The following VHL variants were observed in gnomAD, a reference collection of about 807,000 sequenced individuals.
The protein encoded by VHL is von Hippel-Lindau disease tumor suppressor.
In VHL, 10 loss-of-function variants were observed where a neutral mutation model predicts 19.2. The observed-to-expected ratio is 0.52, with a 90% CI of 0.32 to 0.89. VHL has a LOEUF of 0.89. Ranked by LOEUF, VHL falls within the 40% of genes least tolerant of loss-of-function variation. The pLI is 0.03. For missense variants in VHL, 328 were observed against 292.7 expected (o/e 1.12, Z -0.88); for synonymous variants, 167 against 129.5 (o/e 1.29, Z -1.97).
intron 2 of VHL, among the ~76,000 whole-genome samples, chr3:10,149,361 CGTT>C (rs1238036727): frequency 6.6e-6 from 1 of 152,150 alleles, no homozygotes; most frequent in Non-Finnish European, 1.5e-5. Flanking sequence ...GATCTACTGA[CGTT>C]GGCCTCCCAA....
At position 10,142,039 on chromosome 3, in the gene VHL, C is replaced by T. The variant is rs1012545817; in HGVS notation, c.192C>T (p.Arg64=). Residue 64 remains arginine, a synonymous_variant, in exon 1 of 3, where the codon CGC becomes CGT. Coordinates refer to ENST00000256474, the MANE Select transcript of VHL (RefSeq NM_000551.4). ...CCGGGCGGCCGCGGCCCGTGCTGCG[C>T]TCGGTGAACTCGCGCGAGCCCTCCC... ...MEAGRPRPVL[R]SVNSREPSQV... is the part of the protein sequence containing the mutation. The T allele has an allele frequency of 1.0e-5, 16 of 1,602,054 alleles. No individual in the cohort carries two copies. Among genetic ancestry groups the T allele is most frequent in the Non-Finnish European group, 1.3e-5 (15 of 1,176,314 alleles).
In VHL at chr3:10,151,299, C is replaced by G. The variant is rs2125131721; in HGVS notation, c.*1334C>G. 1 of 211,962 alleles carries G rather than the reference C, an allele frequency of 4.7e-6. No homozygotes were observed. The highest frequency in any genetic ancestry group is 2.3e-5 in the African/African-American group (1 of 44,276). 13.1% of individuals were successfully genotyped at this position (211,962 alleles called of 1,614,324 possible). On this transcript the variant is annotated 3_prime_UTR_variant, in exon 3 of 3. Transcript: ENST00000256474. ...TCATAGTTTTCTAAATGTACAAATT[C>G]TTATAGGCTAGACTTAGATTCATTA...
chr3:10,148,648 G>GT (rs1289344518), intron 2 of VHL, among the ~76,000 whole-genome samples: 5 of 145,684 alleles, frequency 3.4e-5, no homozygotes, highest in Non-Finnish European at 6.0e-5. Flanking sequence ...TTGGTTATGT[G>GT]TTTTGTGACT....
chr3:10,143,674 C>T (rs1696183615), intron 1 of VHL, among the ~76,000 whole-genome samples: 2 of 151,846 alleles, frequency 1.3e-5, no homozygotes, highest in Admixed American at 6.6e-5. Flanking sequence ...GTCTCCATCT[C>T]CTGCGCTCGT....
chr3:10,144,799 G>A (rs1696216360), intron 1 of VHL, among the ~76,000 whole-genome samples: 1 of 151,792 alleles, frequency 6.6e-6, no homozygotes, highest in Admixed American at 6.6e-5. Flanking sequence ...TAGGGTACAT[G>A]TGCACAACGT....
At position 10,153,614 on chromosome 3, in the gene VHL, T is replaced by TG. The variant is rs796247536; in HGVS notation, c.*3649_*3650insG. Among the ~76,000 whole-genome samples the TG allele has an allele frequency of 0.04, 6,120 of 151,296 alleles. 388 individuals carry two copies. Among genetic ancestry groups the TG allele is most frequent in the African/African-American group, 0.14 (5,775 of 41,286 alleles). On this transcript the variant is annotated 3_prime_UTR_variant, in exon 3 of 3. Coordinates refer to ENST00000256474, the MANE Select transcript of VHL (RefSeq NM_000551.4). ...TTCCTATTTCAAGTTTTTTTTTTTT[T>TG]TTTTTTTTTTAAAGCTGTTTTTTAA...
rs1696413023 is a variant in VHL, at chr3:10,151,647, T to C, written c.*1682T>C. 9.2e-6 allele frequency: 2 copies of C among 218,018 alleles called. No individual in the cohort carries two copies. The highest frequency in any genetic ancestry group is 3.7e-4 in the South Asian group (2 of 5,396). The allele number at this position is 218,018 out of a possible 1,614,324, so 13.5% of individuals were successfully genotyped here. On this transcript the variant is annotated 3_prime_UTR_variant, in exon 3 of 3. Coordinates refer to ENST00000256474, the MANE Select transcript of VHL (RefSeq NM_000551.4). ...ACTTTATAACTTAAATATTGCTCTATGTTAGTATAAGCTTTTCACAAACAT... is the reference window on the plus strand; with the variant it reads ...ACTTTATAACTTAAATATTGCTCTACGTTAGTATAAGCTTTTCACAAACAT...
At chr3:10,142,442 T>G (rs1215036406) in intron 1 of VHL, 5 of 494,074 alleles carry the variant, frequency 1.0e-5, no homozygotes, top group East Asian at 3.8e-5. Context: ...GCCTCCCGGG[T>G]TCAAGCGATT....
At chr3:10,149,387 A>T (rs1227136872) in intron 2 of VHL, among the ~76,000 whole-genome samples, 1 of 152,188 alleles carries the variant, frequency 6.6e-6, no homozygotes, top group African/African-American at 2.4e-5. Flanking sequence ...TGTTGGGATC[A>T]CAGGCATGAA....
At chr3:10,148,476 G>A (rs1424943712) in intron 2 of VHL, among the ~76,000 whole-genome samples, 122 of 150,206 alleles carry the variant, frequency 8.1e-4, no homozygotes, top group Non-Finnish European at 1.1e-3. Flanking sequence ...CACTACGCCC[G>A]GCTAATTTTT....
chr3:10,142,178 A>T lies in VHL; in HGVS notation c.331A>T (p.Ser111Cys), dbSNP rs1559426203. The change falls in exon 1 of 3, where the codon AGC becomes TGC. Residue 111 changes from serine to cysteine, a missense_variant. Coordinates refer to ENST00000256474, the MANE Select transcript of VHL (RefSeq NM_000551.4). ...GCCTGGCACGGGCCGCCGCATCCAC[A>T]GCTACCGAGGTACGGGCCCGGCGCT... ...LPPGTGRRIH[S>C]YRGHLWLFRD... 6.3e-7 allele frequency: 1 copy of T among 1,598,306 alleles called. No individual in the cohort carries two copies. The highest frequency in any genetic ancestry group is 8.5e-7 in the Non-Finnish European group (1 of 1,179,422).
rs1196819509 is a variant in VHL at position 10,150,595 on chromosome 3, TAAAGGGAATCATTTTTGTAGG to T, written c.*633_*653del. ...AAATGTGTACAGTGAACAAATGTCT[TAAAGGGAATCATTTTTGTAGG>T]AAGCATTTTTTATAATTTTCTAAGT... On this transcript the variant is annotated 3_prime_UTR_variant, in exon 3 of 3. Transcript: ENST00000256474. The T allele has an allele frequency of 4.2e-6, 1 of 236,950 alleles. No individual in the cohort carries two copies. Among genetic ancestry groups the T allele is most frequent in the Non-Finnish European group, 8.3e-6 (1 of 120,428 alleles). 14.7% of individuals were successfully genotyped at this position (236,950 alleles called of 1,614,324 possible).
At position 10,152,648 on chromosome 3, in the gene VHL, A is replaced by G. The variant is rs1277118028; in HGVS notation, c.*2683A>G. Among the ~76,000 whole-genome samples the G allele has an allele frequency of 6.6e-6, 1 of 150,962 alleles. No individual in the cohort carries two copies. The highest frequency in any genetic ancestry group is 2.1e-4 in the East Asian group (1 of 4,856). On this transcript the variant is annotated 3_prime_UTR_variant, in exon 3 of 3. Coordinates refer to ENST00000256474, the MANE Select transcript of VHL (RefSeq NM_000551.4). ...GCTGGGATTACAGGCGCCTGCCACC[A>G]TGCCTGGCTAATTTTGTGTTTTTAG...
intron 1 of VHL, among the ~76,000 whole-genome samples, chr3:10,145,997 A>G (rs1696245683): frequency 2.0e-5 from 1 of 49,204 alleles, no homozygotes; most frequent in South Asian, 4.7e-4. Flanking sequence ...TACCTTGAGC[A>G]TGTCACTTCT....
intron 1 of VHL, among the ~76,000 whole-genome samples, chr3:10,145,956 T>C (rs1696244843): frequency 6.6e-6 from 1 of 151,806 alleles, no homozygotes; most frequent in Non-Finnish European, 1.5e-5. Flanking sequence ...GATTGAGAGC[T>C]TTAAGTACGC....
intron 2 of VHL, among the ~76,000 whole-genome samples, chr3:10,147,114 T>C (rs1678606): frequency 0.89 from 135,529 of 152,010 alleles, 60,560 homozygotes; most frequent in African/African-American, 0.94. Context: ...TGGGTTCCAG[T>C]GATTCTCTTG....
chr3:10,143,083 G>A (rs1343178049), intron 1 of VHL: 1 of 152,140 alleles, frequency 6.6e-6, no homozygotes, highest in African/African-American at 2.4e-5. Context: ...TGCTTAAAAG[G>A]TGATTTTACC....
rs556405301 is a variant in VHL, at chr3:10,142,341, C to CTTTTTTTT, written c.340+167_340+174dup. Among the ~76,000 whole-genome samples the CTTTTTTTT allele has an allele frequency of 1.2e-4, 13 of 107,944 alleles. 1 individual carries two copies. Among genetic ancestry groups the CTTTTTTTT allele is most frequent in the Non-Finnish European group, 1.2e-4 (7 of 57,324 alleles). The allele number at this position is 107,944 out of a possible 152,430, so 70.8% of individuals were successfully genotyped here. ...CGCTGCTCGTAAGCGTCAGAGCATT[C>CTTTTTTTT]TTTTTTTTTTTTTTTTTTTTCTGAG... is the stretch of plus-strand genomic sequence containing the variant. On this transcript the variant is annotated intron_variant, in intron 1 of 2. Transcript: ENST00000256474.
intron 2 of VHL, among the ~76,000 whole-genome samples, chr3:10,147,271 A>T (rs1012024973): frequency 2.6e-5 from 4 of 151,922 alleles, no homozygotes; most frequent in African/African-American, 9.7e-5. Flanking sequence ...ACGCCTCCCA[A>T]AGTGCTGGGA....
Sources: allele counts gnomAD v4.1 joint callset (sites outside exome capture counted in the v4.1 genomes callset), GRCh38; gene constraint gnomAD v4.1.1; transcripts MANE v1.5; gene names NCBI Gene and HGNC (gene_info 2026-07-23, HGNC 2026-07-21).